Variants in CIRSR observed in about 807,000 individuals in gnomAD.
CIRSR encodes the protein CBF1 (RBPJ) interacting corepressor 1.
At chr2:174,366,471 A>G in the CIRSR span, among the ~76,000 whole-genome samples, 1 of 152,246 alleles carries the variant, frequency 6.6e-6, no homozygotes, top group South Asian at 2.1e-4. Context: ...AAAGTGAAGA[A>G]GAAATAAAGA....
the CIRSR span, among the ~76,000 whole-genome samples, chr2:174,395,282 T>C: frequency 0.023 from 3,460 of 152,328 alleles, 250 homozygotes; most frequent in East Asian, 0.23. Context: ...CTGAGGAATT[T>C]TGACATTAGT....
the CIRSR span, among the ~76,000 whole-genome samples, chr2:174,373,187 T>C: frequency 1.3e-5 from 2 of 152,236 alleles, no homozygotes; most frequent in Non-Finnish European, 2.9e-5. Flanking sequence ...CATTCTAAGA[T>C]ACAAGATTTA....
the CIRSR span, among the ~76,000 whole-genome samples, chr2:174,362,686 CAAAAAAAAAAAAA>C: frequency 4.8e-5 from 1 of 20,654 alleles, no homozygotes; most frequent in Admixed American, 8.1e-4. Context: ...GACTCTGCCT[CAAAAAAAAAAAAA>C]AAAAAAAAAA....
the CIRSR span, among the ~76,000 whole-genome samples, chr2:174,354,091 G>A: frequency 1.3e-5 from 2 of 151,728 alleles, no homozygotes; most frequent in East Asian, 3.9e-4. Flanking sequence ...TTCCAACTAT[G>A]TCAAGAAAAT....
the CIRSR span, among the ~76,000 whole-genome samples, chr2:174,349,724 T>C: frequency 6.6e-6 from 1 of 152,142 alleles, no homozygotes; most frequent in Non-Finnish European, 1.5e-5. Flanking sequence ...ACTTCAATAG[T>C]AATGACTACT....
At chr2:174,392,184 G>A in the CIRSR span, among the ~76,000 whole-genome samples, 1 of 152,160 alleles carries the variant, frequency 6.6e-6, no homozygotes, top group Non-Finnish European at 1.5e-5. Flanking sequence ...TTTTAGTAGA[G>A]ACAGGGTTTC....
chr2:174,381,653 C>T, the CIRSR span: 4 of 1,405,618 alleles, frequency 2.8e-6, no homozygotes, highest in South Asian at 1.3e-5. Context: ...CAAGACTGTG[C>T]CTCAGAAAAA....
the CIRSR span, among the ~76,000 whole-genome samples, chr2:174,356,619 AAGAAGG>A: frequency 1.3e-5 from 2 of 151,078 alleles, no homozygotes; most frequent in Non-Finnish European, 3.0e-5. Flanking sequence ...GGAAGGAAGG[AAGAAGG>A]GGAAGGGGAA....
chr2:174,350,050 T>G, the CIRSR span, among the ~76,000 whole-genome samples: 721 of 152,314 alleles, frequency 4.7e-3, 4 homozygotes, highest in African/African-American at 0.016. Context: ...AGGACAATCC[T>G]ATTAAAACAT....
At chr2:174,395,455 C>T in the CIRSR span, 1 of 1,226,094 alleles carries the variant, frequency 8.2e-7, no homozygotes, top group East Asian at 2.3e-5. Flanking sequence ...CGGAGGCTGT[C>T]CTAGGGATCT....
chr2:174,376,196 T>C, the CIRSR span, among the ~76,000 whole-genome samples: 1 of 152,176 alleles, frequency 6.6e-6, no homozygotes, highest in East Asian at 1.9e-4. Flanking sequence ...GGTATCCGCC[T>C]CATGCAGAGA....
the CIRSR span, among the ~76,000 whole-genome samples, chr2:174,365,803 G>C: frequency 1.3e-5 from 2 of 152,158 alleles, no homozygotes; most frequent in Non-Finnish European, 1.5e-5. Flanking sequence ...TTTAAGATGA[G>C]ATCTGGGTGG....
the CIRSR span, among the ~76,000 whole-genome samples, chr2:174,392,436 G>C: frequency 6.6e-6 from 1 of 152,190 alleles, no homozygotes; most frequent in Non-Finnish European, 1.5e-5. Flanking sequence ...TATCTCAGCA[G>C]AGCTGTTAAA....
chr2:174,390,354 G>C, the CIRSR span, among the ~76,000 whole-genome samples: 2 of 152,388 alleles, frequency 1.3e-5, no homozygotes, highest in East Asian at 1.9e-4. Flanking sequence ...TTTTGGACTT[G>C]CATGGGGCCT....
At chr2:174,386,832 T>A in the CIRSR span, among the ~76,000 whole-genome samples, 14 of 152,348 alleles carry the variant, frequency 9.2e-5, no homozygotes, top group South Asian at 2.7e-3. Context: ...GCTGTATTTT[T>A]AAAAGCAGTG....
chr2:174,376,300 ACTT>A, the CIRSR span, among the ~76,000 whole-genome samples: 2 of 152,200 alleles, frequency 1.3e-5, no homozygotes, highest in African/African-American at 4.8e-5. Context: ...TAATATGTAG[ACTT>A]CTTAAGCCTG....
At chr2:174,387,987 A>G in the CIRSR span, among the ~76,000 whole-genome samples, 1 of 152,204 alleles carries the variant, frequency 6.6e-6, no homozygotes. Flanking sequence ...ACGATAGCCA[A>G]CGAGCTAAAA....
the CIRSR span, among the ~76,000 whole-genome samples, chr2:174,390,497 C>T: frequency 1.3e-5 from 2 of 152,162 alleles, no homozygotes; most frequent in Non-Finnish European, 2.9e-5. Context: ...AGGGACTTGC[C>T]TTGTCTTACA....
chr2:174,357,405 G>C, the CIRSR span, among the ~76,000 whole-genome samples: 2 of 152,076 alleles, frequency 1.3e-5, no homozygotes, highest in African/African-American at 2.4e-5. Context: ...ATTAAAACAT[G>C]TTTCTAGCTA....
Sources: gnomAD v4.1 joint callset for allele counts (sites outside exome capture counted in the v4.1 genomes callset) on GRCh38, gnomAD v4.1.1 for gene constraint, MANE v1.5 for transcripts, NCBI Gene and HGNC (gene_info 2026-07-23, HGNC 2026-07-21) for gene names.